The following ESYT3 variants were observed in gnomAD, a reference collection of about 807,000 sequenced individuals.
The protein encoded by ESYT3 is extended synaptotagmin 3.
ESYT3 carries 101 observed loss-of-function variants against 111.5 expected under a neutral mutation model. The observed-to-expected ratio is 0.91, with a 90% CI of 0.77 to 1.07. The LOEUF is 1.07. ESYT3 is among the 50% of genes least tolerant of loss of function. ESYT3 has a pLI of 0.00. For missense variants in ESYT3, 1,097 were observed against 1,109.4 expected, an observed-to-expected ratio of 0.99 and a Z score of 0.16; for synonymous variants, 416 against 446.8, an observed-to-expected ratio of 0.93 and a Z score of 0.87.
intron 7 of ESYT3, 132 bp downstream of exon 7, chr3:138,460,798 C>A: frequency 9.6e-7 from 1 of 1,039,612 alleles, no homozygotes; most frequent in Non-Finnish European, 1.5e-6. Flanking sequence ...AAGCATTGGT[C>A]TGTTTGGAGT....
intron 2 of ESYT3, among the ~76,000 whole-genome samples, 171 bp downstream of exon 2, chr3:138,452,260 A>G (rs1236756048): frequency 6.6e-6 from 1 of 152,228 alleles, no homozygotes; most frequent in Admixed American, 6.5e-5. Flanking sequence ...TTTGTTAACA[A>G]CAACAAATTG....
chr3:138,474,195 T>A (rs183486004), intron 19 of ESYT3, 26 bp from the exon 20 acceptor site: 3 of 1,597,104 alleles, frequency 1.9e-6, no homozygotes, highest in South Asian at 1.1e-5. Context: ...TTTTTTTTTT[T>A]CCTAATGTCT....
At chr3:138,469,642 C>T (rs1044654445) in intron 15 of ESYT3, 138 bp downstream of exon 15, 2 of 661,894 alleles carry the variant, frequency 3.0e-6, no homozygotes, top group African/African-American at 1.8e-5. Flanking sequence ...TTCAGAATAA[C>T]CTCACAAAAT....
At chr3:138,473,460 TTCTTTG>T in intron 18 of ESYT3, 70 bp from the exon 19 acceptor site, 1 of 1,304,262 alleles carries the variant, frequency 7.7e-7, no homozygotes, top group Non-Finnish European at 1.1e-6. Flanking sequence ...GCAGGAATGC[TTCTTTG>T]TCTTTGGGGG....
At chr3:138,473,015 A>C in intron 18 of ESYT3, 156 bp downstream of exon 18, 1 of 1,476,492 alleles carries the variant, frequency 6.8e-7, no homozygotes, top group Non-Finnish European at 8.9e-7. Flanking sequence ...AGAACACAGG[A>C]CAAGGGAGAG....
intron 18 of ESYT3, 158 bp downstream of exon 18, chr3:138,473,017 A>G: frequency 2.7e-6 from 4 of 1,473,778 alleles, no homozygotes; most frequent in Non-Finnish European, 3.6e-6. Context: ...AACACAGGAC[A>G]AGGGAGAGAG....
chr3:138,463,156 G>A (rs112250051), intron 8 of ESYT3, among the ~76,000 whole-genome samples: 16 of 152,078 alleles, frequency 1.1e-4, no homozygotes, highest in African/African-American at 3.9e-4. Flanking sequence ...ATGCAGTGGC[G>A]TGATCTTGGC....
chr3:138,445,827 C>T (rs1275968050), intron 1 of ESYT3, among the ~76,000 whole-genome samples: 1 of 152,208 alleles, frequency 6.6e-6, no homozygotes, highest in African/African-American at 2.4e-5. Context: ...GTATTGTACC[C>T]ATCTCGCAGA....
Position 138,452,042 on chromosome 3 carries a change from T to C in ESYT3, c.328-6T>C. On this transcript the variant is annotated splice_region_variant and splice_polypyrimidine_tract_variant and intron_variant, in intron 1 of 22. Coordinates refer to ENST00000389567, the MANE Select transcript of ESYT3 (RefSeq NM_031913.5). ...GTCTAACTTCCCCTCGGGGCTTCTT[T>C]CCTAGATCCACTTCCCGGACGTGGA... 1 of 1,613,590 alleles carries C rather than the reference T, an allele frequency of 6.2e-7. No individual in the cohort carries two copies. Among genetic ancestry groups the C allele is most frequent in the Non-Finnish European group, 8.5e-7 (1 of 1,179,886 alleles).
chr3:138,481,597 A>C (rs572900280), downstream of ESYT3: 7 of 151,174 alleles, frequency 4.6e-5, no homozygotes, highest in East Asian at 1.4e-3. Context: ...CGATCTCCTG[A>C]CCTCGTGATC....
intron 14 of ESYT3, 41 bp from the exon 15 acceptor site, chr3:138,469,395 G>T: frequency 1.3e-6 from 2 of 1,571,258 alleles, no homozygotes; most frequent in South Asian, 2.2e-5. Context: ...AGCTGATATT[G>T]ACTATGCCAC....
Position 138,435,679 on chromosome 3 carries a change from TCC to T in ESYT3, c.327+556_327+557del, listed in dbSNP as rs200472157. Among the ~76,000 whole-genome samples the T allele has an allele frequency of 0.041, 6,122 of 149,150 alleles. 156 individuals carry two copies. Among genetic ancestry groups the T allele is most frequent in the South Asian group, 0.066 (314 of 4,780 alleles). On this transcript the variant is annotated intron_variant, in intron 1 of 22. Coordinates refer to ENST00000389567, the MANE Select transcript of ESYT3 (RefSeq NM_031913.5). The surrounding 1 kb of genome is among the most constrained non-coding windows in gnomAD (Gnocchi z 4.8). ...GACGGCGCCGGGCCCCGGGCCTCCT[TCC>T]CTCCCTCCCTCCGCCGGATAGGGAT...
At chr3:138,476,413 G>T in intron 21 of ESYT3, 30 bp from the exon 22 acceptor site, 1 of 1,612,020 alleles carries the variant, frequency 6.2e-7, no homozygotes. Context: ...CAGTGTTTTG[G>T]AGGGGAACTA....
intron 3 of ESYT3, among the ~76,000 whole-genome samples, chr3:138,457,324 C>G (rs1428703534): frequency 2.6e-5 from 4 of 152,152 alleles, no homozygotes; most frequent in African/African-American, 9.7e-5. Flanking sequence ...GCATGAACAA[C>G]AGGCCTGGCC....
rs191463941 is a variant in ESYT3 at position 138,474,321 on chromosome 3, C to T, written c.2437C>T (p.Arg813Trp). The T allele has an allele frequency of 8.9e-4, 1,426 of 1,602,620 alleles. 21 individuals are homozygous for T. The Admixed American group carries it at 0.023, about 26-fold the overall frequency. The stretch of plus-strand genomic sequence containing the variant: ...ATGTCGTAAGAAGACTTCAGTGAAG[C>T]GGAAGACCTTGGAACCCCTGTTTGA... ...WACRKKTSVK[R>W]KTLEPLFDET... The change falls in exon 20 of 23, where the codon CGG becomes TGG. Residue 813 changes from arginine (R) to tryptophan (W), a missense_variant. Arg to Trp is a moderately radical substitution (Grantham distance 101). Transcript: ENST00000389567.
Position 138,478,683 on chromosome 3 carries a change from G to A in ESYT3, c.*1829G>A, listed in dbSNP as rs549561983. On this transcript the variant is annotated 3_prime_UTR_variant, in exon 23 of 23. Coordinates refer to ENST00000389567, the MANE Select transcript of ESYT3 (RefSeq NM_031913.5). The stretch of plus-strand genomic sequence containing the variant: ...TAAATACCTGGTGATGGTCTGAAGA[G>A]GAGTTAAAATGTTGAAGGGAACCAG... 7.2e-5 allele frequency: 11 copies of A among 152,320 alleles called. No individual in the cohort carries two copies. In the Middle Eastern group the frequency reaches 0.01, roughly 141 times the overall value. The allele number at this position is 152,320 out of a possible 1,614,324, so 9.4% of individuals were successfully genotyped here.
At chr3:138,475,726 G>T (rs2033448975) in intron 20 of ESYT3, among the ~76,000 whole-genome samples, 1 of 152,124 alleles carries the variant, frequency 6.6e-6, no homozygotes, top group South Asian at 2.1e-4. Context: ...TCGGGAGTTT[G>T]AGACCAGCCT....
At chr3:138,446,690 G>T (rs781732584) in intron 1 of ESYT3, among the ~76,000 whole-genome samples, 1 of 152,106 alleles carries the variant, frequency 6.6e-6, no homozygotes, top group Admixed American at 6.5e-5. Flanking sequence ...AGGAGTTCAC[G>T]ACCAGCATGG....
intron 5 of ESYT3, 74 bp downstream of exon 5, chr3:138,459,327 T>C: frequency 3.1e-6 from 4 of 1,299,076 alleles, no homozygotes; most frequent in Non-Finnish European, 4.2e-6. Flanking sequence ...AGCCAGGTCA[T>C]GCCAGAGTAG....
Sources: gnomAD v4.1 joint callset for allele counts (sites outside exome capture counted in the v4.1 genomes callset) on GRCh38, gnomAD v4.1.1 for gene constraint, Gnocchi (gnomAD v3.1) non-coding constraint, MANE v1.5 for transcripts, NCBI Gene and HGNC (gene_info 2026-07-23, HGNC 2026-07-21) for gene names.